The following TTC6 variants were observed in gnomAD, a reference collection of about 807,000 sequenced individuals.
TTC6 encodes the protein tetratricopeptide repeat protein 6.
A neutral mutation model predicts 210.4 loss-of-function variants in TTC6; 172 were observed. The observed-to-expected ratio is 0.82, with a 90% CI of 0.72 to 0.93. The LOEUF is 0.93. Among genes scored for constraint, TTC6 ranks in the 40% least tolerant of loss-of-function variants. TTC6 has a pLI of 0.00. For synonymous variants in TTC6, 804 were observed against 819.6 expected, an observed-to-expected ratio of 0.98 and a Z score of 0.32; for missense variants, 2,414 against 2,318.1, an observed-to-expected ratio of 1.04 and a Z score of -0.85.
At chr14:37,803,861 C>T (rs956695130) in intron 20 of TTC6, among the ~76,000 whole-genome samples, 3 of 152,202 alleles carry the variant, frequency 2.0e-5, no homozygotes, top group African/African-American at 7.2e-5. Context: ...GGCTTGCAAA[C>T]ATATACAGCT....
At position 37,806,315 on chromosome 14, in the gene TTC6, T is replaced by C. The variant is rs1024099149; in HGVS notation, c.4165-46T>C. ...AATTCGTTAACATTTTAAAACAATA[T>C]ATTATATCACTAAATGGTTTGCATT... On this transcript the variant is annotated intron_variant, in intron 21 of 30. Coordinates refer to ENST00000553443, the Ensembl canonical transcript of TTC6. The C allele has an allele frequency of 3.3e-6, 5 of 1,492,960 alleles. No homozygotes were observed. The African/African-American group carries it at 7.0e-5, about 21-fold the overall frequency. 92.5% of individuals were successfully genotyped at this position (1,492,960 alleles called of 1,614,324 possible).
At chr14:37,727,989 G>C (rs2138858823) in intron 7 of TTC6, among the ~76,000 whole-genome samples, 1 of 152,284 alleles carries the variant, frequency 6.6e-6, no homozygotes, top group Non-Finnish European at 1.5e-5. Context: ...AGACTAAGCA[G>C]AGCACACCTT....
At chr14:37,682,421 T>C (rs2095785878) in intron 2 of TTC6, among the ~76,000 whole-genome samples, 1 of 145,752 alleles carries the variant, frequency 6.9e-6, no homozygotes, top group Non-Finnish European at 1.5e-5. Flanking sequence ...AGTTCTATTT[T>C]ACAAAATTAA....
exon 22 of TTC6, chr14:37,806,390 A>G: frequency 6.5e-7 from 1 of 1,535,574 alleles, no homozygotes; most frequent in Non-Finnish European, 8.7e-7. Context: ...AAGCTGTGAA[A>G]GCAAATCCAG....
At chr14:37,714,612 C>A in intron 5 of TTC6, 43 bp from the exon 8 acceptor site, 2 of 1,503,404 alleles carry the variant, frequency 1.3e-6, no homozygotes, top group Non-Finnish European at 8.9e-7. Context: ...TATACTTTGT[C>A]AATTACTTAA....
At chr14:37,760,829 C>T (rs1260528050) in intron 14 of TTC6, among the ~76,000 whole-genome samples, 1 of 152,168 alleles carries the variant, frequency 6.6e-6, no homozygotes, top group Non-Finnish European at 1.5e-5. Context: ...GGAAAACCAC[C>T]TACTCAAGCC....
chr14:37,688,599 G>A (rs1242176061), intron 3 of TTC6, among the ~76,000 whole-genome samples: 1 of 152,148 alleles, frequency 6.6e-6, no homozygotes, highest in African/African-American at 2.4e-5. Context: ...GAGAGAGAGA[G>A]AGAGAGAAAG....
intron 10 of TTC6, among the ~76,000 whole-genome samples, chr14:37,746,247 G>T (rs1036214335): frequency 6.6e-6 from 1 of 152,000 alleles, no homozygotes; most frequent in Non-Finnish European, 1.5e-5. Flanking sequence ...CAGCTCTGAG[G>T]TCAGCACCCA....
chr14:37,824,576 T>C (rs925569018), intron 27 of TTC6, among the ~76,000 whole-genome samples: 12 of 152,154 alleles, frequency 7.9e-5, no homozygotes, highest in African/African-American at 2.7e-4. Context: ...AGATTATACT[T>C]CCTTCTTCTT....
chr14:37,773,813 T>C (rs1020129262), intron 14 of TTC6, among the ~76,000 whole-genome samples: 23 of 152,236 alleles, frequency 1.5e-4, no homozygotes, highest in African/African-American at 5.1e-4. Context: ...GGTAATTTGA[T>C]AGGAATATTA....
chr14:37,828,255 C>A (rs564003461), intron 29 of TTC6, among the ~76,000 whole-genome samples: 1 of 152,058 alleles, frequency 6.6e-6, no homozygotes, highest in African/African-American at 2.4e-5. Flanking sequence ...TTACATGATT[C>A]AAACTCTTAA....
chr14:37,644,818 G>C lies in TTC6; in HGVS notation c.939+21815G>C, dbSNP rs146245889. Among the ~76,000 whole-genome samples the C allele has an allele frequency of 3.2e-3, 493 of 152,266 alleles. 2 individuals are homozygous for C. The highest frequency in any genetic ancestry group is 0.011 in the African/African-American group (472 of 41,544). ...CATAACAAGGGAGCTAGCAGACAAT[G>C]GAAAAGGGTGGAGAAAGCCCTGGGT... On this transcript the variant is annotated intron_variant, in intron 1 of 30. Transcript: ENST00000553443.
intron 1 of TTC6, among the ~76,000 whole-genome samples, chr14:37,642,806 C>G (rs924185582): frequency 6.6e-6 from 1 of 152,190 alleles, no homozygotes; most frequent in Admixed American, 6.5e-5. Flanking sequence ...TCCTAGACTA[C>G]AAAGCATGTT....
At chr14:37,621,900 A>C (rs1009821222), upstream of TTC6, 5 of 525,898 alleles carry the variant, frequency 9.5e-6, no homozygotes, top group African/African-American at 9.9e-5. Flanking sequence ...ATAAAATTAC[A>C]TGATAATTTT....
chr14:37,793,636 T>TTAACC (rs1383804657), intron 17 of TTC6, among the ~76,000 whole-genome samples: 7 of 152,336 alleles, frequency 4.6e-5, no homozygotes, highest in African/African-American at 1.7e-4. Flanking sequence ...GTTCTTTTGC[T>TTAACC]TAACCCTGTT....
intron 1 of TTC6, among the ~76,000 whole-genome samples, chr14:37,635,667 G>C (rs1279966160): frequency 6.6e-6 from 1 of 152,146 alleles, no homozygotes; most frequent in Non-Finnish European, 1.5e-5. Context: ...AGATAAGGTA[G>C]ACTTCAGAGC....
intron 18 of TTC6, 87 bp downstream of exon 20, chr14:37,795,439 C>A: frequency 1.3e-6 from 1 of 792,662 alleles, no homozygotes; most frequent in Non-Finnish European, 1.8e-6. Context: ...TTGAACCTTT[C>A]AGGCTCCCCA....
At chr14:37,678,433 A>G (rs1016405848) in intron 1 of TTC6, among the ~76,000 whole-genome samples, 1 of 152,126 alleles carries the variant, frequency 6.6e-6, no homozygotes, top group African/African-American at 2.4e-5. Context: ...GGGTTTCTCC[A>G]TTGCATGGGC....
chr14:37,826,083 G>A (rs1228851991), intron 27 of TTC6, 112 bp from the exon 30 acceptor site: 2 of 1,114,716 alleles, frequency 1.8e-6, no homozygotes, highest in Non-Finnish European at 1.2e-6. Context: ...CTTAGATTTA[G>A]CATGGCATAA....
Sources: gnomAD v4.1 joint callset for allele counts (sites outside exome capture counted in the v4.1 genomes callset) on GRCh38, gnomAD v4.1.1 for gene constraint, MANE v1.5 for transcripts, NCBI Gene and HGNC (gene_info 2026-07-23, HGNC 2026-07-21) for gene names.